TPM4: variants seen among roughly 807,000 people sequenced by gnomAD.
The protein encoded by TPM4 is tropomyosin alpha-4 chain.
TPM4 carries 17 observed loss-of-function variants against 35.8 expected under a neutral mutation model. The ratio of observed to expected loss-of-function variants is 0.47; its 90% CI spans 0.32 to 0.71. The LOEUF is 0.71. Among genes scored for constraint, TPM4 ranks in the 30% least tolerant of loss-of-function variants. The pLI, the probability that TPM4 is intolerant of heterozygous loss-of-function variation, is 0.03. For missense variants in TPM4, 240 were observed against 320.9 expected, an observed-to-expected ratio of 0.75 and a Z score of 1.93; for synonymous variants, 120 against 122.9, an observed-to-expected ratio of 0.98 and a Z score of 0.15.
rs941485123 is a variant in TPM4 at position 16,070,758 on chromosome 19, C to T, written c.114+3020C>T. On this transcript the variant is annotated intron_variant, in intron 2 of 2. Transcript: ENST00000589897. The surrounding 1 kb of genome is among the most constrained non-coding windows in gnomAD (Gnocchi z 7.4). Reference sequence around the variant, plus strand: ...TCCCCTTTGGGCCTCCCCAGCCCCCCGTGCCCCAGGGCTGCCCTAAGAGTA... The same window carrying T: ...TCCCCTTTGGGCCTCCCCAGCCCCCTGTGCCCCAGGGCTGCCCTAAGAGTA... Among the ~76,000 whole-genome samples the T allele has an allele frequency of 3.9e-5, 6 of 152,186 alleles. No homozygotes were observed. Among genetic ancestry groups the T allele is most frequent in the East Asian group, 1.9e-4 (1 of 5,154 alleles).
At chr19:16,087,315 G>A (rs1195098207) in intron 3 of TPM4, among the ~76,000 whole-genome samples, 1 of 152,046 alleles carries the variant, frequency 6.6e-6, no homozygotes, top group African/African-American at 2.4e-5. Flanking sequence ...GGTGGCTCAC[G>A]CCGGTAATCC....
At chr19:16,084,296 C>A (rs906223376) in intron 2 of TPM4, among the ~76,000 whole-genome samples, 2 of 152,204 alleles carry the variant, frequency 1.3e-5, no homozygotes, top group South Asian at 2.1e-4. Flanking sequence ...GCATGTCACC[C>A]AAGCTGGAAA....
upstream of TPM4, among the ~76,000 whole-genome samples, chr19:16,073,963 C>CAAACAAA (rs2090379495): frequency 5.6e-5 from 4 of 71,880 alleles, no homozygotes; most frequent in African/African-American, 1.7e-4. Flanking sequence ...AAAAAAAACG[C>CAAACAAA]AAAAAAAAAA....
At chr19:16,093,418 A>T in intron 5 of TPM4, 118 bp from the exon 6 acceptor site, 1 of 1,125,436 alleles carries the variant, frequency 8.9e-7, no homozygotes, top group Non-Finnish European at 1.3e-6. Context: ...CTGGTCTCGA[A>T]CTCCTGACCT....
chr19:16,080,569 G>C (rs1244484341), intron 1 of TPM4: 1 of 191,904 alleles, frequency 5.2e-6, no homozygotes, highest in Non-Finnish European at 1.1e-5. Flanking sequence ...CCAGTACTTT[G>C]GGAGACCAAG....
intron 2 of TPM4, among the ~76,000 whole-genome samples, chr19:16,083,100 G>A (rs1461186069): frequency 6.6e-6 from 1 of 152,056 alleles, no homozygotes; most frequent in Non-Finnish European, 1.5e-5. Context: ...CTTTTGGACG[G>A]TGACAGCTAT....
rs2090489153 is a variant in TPM4, at chr19:16,081,987, A to G, written c.207A>G (p.Arg69=). Residue 69 remains arginine (R), a synonymous_variant, in exon 2 of 8, where the codon CGA becomes CGG. Coordinates refer to ENST00000643579, the MANE Select transcript of TPM4 (RefSeq NM_003290.3). ...VEEELDRAQE[R]LATALQKLEE... ...AGGAGTTGGACAGGGCTCAGGAACG[A>G]CTGGCCACGGCCCTGCAGAAGCTGG... is the stretch of plus-strand genomic sequence containing the variant. The G allele has an allele frequency of 6.2e-7, 1 of 1,611,526 alleles. No individual in the cohort carries two copies. Among genetic ancestry groups the G allele is most frequent in the African/African-American group, 1.3e-5 (1 of 74,906 alleles).
Position 16,102,407 on chromosome 19 carries a change from A to G in TPM4, c.*1061A>G, listed in dbSNP as rs2090772094. The stretch of plus-strand genomic sequence containing the variant: ...TCATTCCAGTAATGACCCACTCAGC[A>G]GGAATATGGTGGAGTTCAGTCCAAT... On this transcript the variant is annotated 3_prime_UTR_variant, in exon 8 of 8. Transcript: ENST00000643579. 1 of 219,810 alleles carries G rather than the reference A, an allele frequency of 4.5e-6. No individual in the cohort carries two copies. The highest frequency in any genetic ancestry group is 2.2e-5 in the African/African-American group (1 of 44,588). 13.6% of individuals were successfully genotyped at this position (219,810 alleles called of 1,614,324 possible).
intron 2 of TPM4, among the ~76,000 whole-genome samples, chr19:16,071,344 G>A (rs541452953): frequency 5.2e-4 from 79 of 152,140 alleles, no homozygotes; most frequent in Admixed American, 2.1e-3. Flanking sequence ...ACACCTCCAC[G>A]CCCAGCTAGT....
chr19:16,098,132 A>T (rs755905075), intron 7 of TPM4, among the ~76,000 whole-genome samples: 6 of 152,132 alleles, frequency 3.9e-5, no homozygotes, highest in Non-Finnish European at 8.8e-5. Flanking sequence ...AACTAAGCAC[A>T]TAAGTGGAAT....
At chr19:16,076,266 GAGGAGGAGA>G, upstream of TPM4, 1 of 1,530,066 alleles carries the variant, frequency 6.5e-7, no homozygotes, top group South Asian at 1.2e-5. Context: ...GGAGGAAGAG[GAGGAGGAGA>G]AGGCGGCGCC....
rs535627474 is a variant in TPM4 at position 16,070,543 on chromosome 19, GT to G, written c.114+2808del. 2.3e-3 allele frequency among the ~76,000 whole-genome samples: 343 copies of G among 152,294 alleles called. 5 individuals are homozygous for G. The highest frequency in any genetic ancestry group is 0.01 in the Middle Eastern group (3 of 294). Reference sequence around the variant, plus strand: ...AAAGCTCGGAGCTCAGACTGGCCATGTTTGAGTCATGGCTCAGTCGCTAGGT... The same window carrying G: ...AAAGCTCGGAGCTCAGACTGGCCATGTTGAGTCATGGCTCAGTCGCTAGGT... On this transcript the variant is annotated intron_variant, in intron 2 of 2. Coordinates refer to the TPM4 transcript ENST00000589897. The surrounding 1 kb of genome is among the most constrained non-coding windows in gnomAD (Gnocchi z 7.4).
rs1355970780 is a variant in TPM4 at position 16,088,871 on chromosome 19, C to T, written c.456-174C>T. The stretch of plus-strand genomic sequence containing the variant: ...CCTGGTATGATAAGCCTTTGATAAG[C>T]CCATAGTATCACACTGCAGAAAAAT... On this transcript the variant is annotated intron_variant, in intron 4 of 7. Coordinates refer to ENST00000643579, the MANE Select transcript of TPM4 (RefSeq NM_003290.3). The T allele has an allele frequency of 2.1e-6, 3 of 1,424,060 alleles. No homozygotes were observed. In the East Asian group the frequency reaches 7.9e-5, roughly 37 times the overall value. The allele number at this position is 1,424,060 out of a possible 1,614,324, so 88.2% of individuals were successfully genotyped here.
At chr19:16,088,805 T>C (rs1410270821) in intron 4 of TPM4, 21 of 1,278,058 alleles carry the variant, frequency 1.6e-5, no homozygotes, top group Non-Finnish European at 2.0e-5. Context: ...AGGAGTGTTT[T>C]CCAAGCCCTC....
rs1319806794 is a variant in TPM4, at chr19:16,101,933, A to T, written c.*587A>T. 4.4e-6 allele frequency: 1 copy of T among 224,876 alleles called. No homozygotes were observed. Among genetic ancestry groups the T allele is most frequent in the Non-Finnish European group, 8.9e-6 (1 of 112,992 alleles). The allele number at this position is 224,876 out of a possible 1,614,324, so 13.9% of individuals were successfully genotyped here. On this transcript the variant is annotated 3_prime_UTR_variant, in exon 8 of 8. Coordinates refer to ENST00000643579, the MANE Select transcript of TPM4 (RefSeq NM_003290.3). ...CCACTCTCCACCATGCAGGACAAAC[A>T]TCTTCTCAAGCAGTCAACGTAGAAT...
Position 16,082,060 on chromosome 19 carries a change from G to T in TPM4, c.266+14G>T, listed in dbSNP as rs770916449. 68 of 1,590,722 alleles carry T rather than the reference G, an allele frequency of 4.3e-5. No individual in the cohort carries two copies. The highest frequency in any genetic ancestry group is 5.7e-5 in the Non-Finnish European group (66 of 1,161,456). The stretch of plus-strand genomic sequence containing the variant: ...TGAGAGTGAGAGGTAAGGACGCTTT[G>T]AATCTGGTGGCATCCGTGTTTGCTT... On this transcript the variant is annotated intron_variant, in intron 2 of 7. Transcript: ENST00000643579.
chr19:16,074,704 G>A (rs1453856734), upstream of TPM4: 1 of 152,310 alleles, frequency 6.6e-6, no homozygotes, highest in East Asian at 1.9e-4. Flanking sequence ...CTCCTGCTGT[G>A]GGGAGGAAGC....
At chr19:16,075,708 T>G, upstream of TPM4, 1 of 225,156 alleles carries the variant, frequency 4.4e-6, no homozygotes, top group Admixed American at 5.6e-5. Flanking sequence ...CTCCAGATCA[T>G]GGTGAGGCTG....
intron 5 of TPM4, chr19:16,093,173 G>GTTTT: frequency 5.6e-6 from 1 of 179,742 alleles, no homozygotes; most frequent in Admixed American, 5.6e-5. Context: ...CTTTCTTTCT[G>GTTTT]TTTTTTTTTT....
Sources: gnomAD v4.1 joint callset for allele counts (sites outside exome capture counted in the v4.1 genomes callset) on GRCh38, gnomAD v4.1.1 for gene constraint, Gnocchi (gnomAD v3.1) non-coding constraint, MANE v1.5 for transcripts, NCBI Gene and HGNC (gene_info 2026-07-23, HGNC 2026-07-21) for gene names.